Variants in NTM observed in about 807,000 individuals in gnomAD.
NTM encodes the protein neurotrimin.
A neutral mutation model predicts 42.1 loss-of-function variants in NTM; 13 were observed. The ratio of observed to expected loss-of-function variants is 0.31; its 90% confidence interval spans 0.20 to 0.49. NTM has a LOEUF of 0.49. Ranked by LOEUF, NTM falls within the 20% of genes least tolerant of loss-of-function variation. The probability of loss-of-function intolerance (pLI) is 0.99; values close to 1 mark genes in which losing one functional copy is unlikely to be tolerated. For synonymous variants in NTM, 187 were observed against 179.2 expected (o/e 1.04, Z -0.35); for missense variants, 373 against 452.8 (o/e 0.82, Z 1.60).
At chr11:132,155,196 T>C (rs988369082) in intron 3 of NTM, among the ~76,000 whole-genome samples, 2 of 152,210 alleles carry the variant, frequency 1.3e-5, no homozygotes, top group African/African-American at 4.8e-5. Flanking sequence ...GTCTGAATTT[T>C]GATAATTACC....
At chr11:131,556,315 A>G (rs141254901) in intron 1 of NTM, among the ~76,000 whole-genome samples, 47 of 152,328 alleles carry the variant, frequency 3.1e-4, no homozygotes, top group Middle Eastern at 3.4e-3. Flanking sequence ...AATATTGTCA[A>G]GAGTGTACAT....
intron 2 of NTM, among the ~76,000 whole-genome samples, chr11:132,041,159 C>T (rs1307876362): frequency 6.6e-6 from 1 of 151,096 alleles, no homozygotes; most frequent in African/African-American, 2.4e-5. Context: ...TCACCTGTAC[C>T]TTTTTGTTAT....
chr11:131,669,287 G>A (rs1224273064), intron 1 of NTM, among the ~76,000 whole-genome samples: 1 of 152,196 alleles, frequency 6.6e-6, no homozygotes, highest in Non-Finnish European at 1.5e-5. Flanking sequence ...GAGGTTAAGA[G>A]GTCAGGCTCT....
chr11:131,750,626 A>AT, intron 1 of NTM, among the ~76,000 whole-genome samples: 1 of 152,152 alleles, frequency 6.6e-6, no homozygotes, highest in African/African-American at 2.4e-5. Context: ...TGCATCTTGA[A>AT]TTTTTTCATT....
At chr11:132,073,939 G>T (rs1047074462) in intron 2 of NTM, among the ~76,000 whole-genome samples, 2 of 152,182 alleles carry the variant, frequency 1.3e-5, no homozygotes, top group African/African-American at 4.8e-5. Flanking sequence ...CTGTAGGTCT[G>T]CTAAGGGGCT....
At chr11:131,827,046 A>C (rs974704059) in intron 1 of NTM, among the ~76,000 whole-genome samples, 16 of 152,182 alleles carry the variant, frequency 1.1e-4, no homozygotes, top group African/African-American at 3.4e-4. Context: ...TATTTCCTTT[A>C]TTCATTCAAC....
At chr11:132,110,489 T>G (rs1444694636) in intron 2 of NTM, among the ~76,000 whole-genome samples, 2 of 152,258 alleles carry the variant, frequency 1.3e-5, no homozygotes, top group African/African-American at 4.8e-5. Flanking sequence ...CACGTTGCCC[T>G]GTGGCATGGG....
At chr11:131,523,782 CAAAAA>C (rs3040114) in intron 1 of NTM, among the ~76,000 whole-genome samples, 3 of 72,198 alleles carry the variant, frequency 4.2e-5, no homozygotes, top group African/African-American at 1.5e-4. Context: ...GACTCCATCT[CAAAAA>C]AAAAAAAAAA....
At chr11:132,087,401 C>T (rs1216984299) in intron 2 of NTM, among the ~76,000 whole-genome samples, 1 of 152,154 alleles carries the variant, frequency 6.6e-6, no homozygotes, top group South Asian at 2.1e-4. Context: ...CTACATTGTG[C>T]CTTTTAACTA....
At chr11:131,434,668 C>A (rs1003929237) in intron 1 of NTM, among the ~76,000 whole-genome samples, 2 of 152,082 alleles carry the variant, frequency 1.3e-5, no homozygotes, top group Admixed American at 1.3e-4. Flanking sequence ...TGTTTAAGTT[C>A]TTTGTAGATT....
intron 4 of NTM, among the ~76,000 whole-genome samples, chr11:132,214,153 G>C (rs1380272653): frequency 6.6e-6 from 1 of 152,194 alleles, no homozygotes; most frequent in Non-Finnish European, 1.5e-5. Flanking sequence ...CAGGGAGGAA[G>C]CTTCAGCTGT....
At chr11:131,679,472 T>C (rs1175009141) in intron 1 of NTM, among the ~76,000 whole-genome samples, 1 of 151,970 alleles carries the variant, frequency 6.6e-6, no homozygotes, top group Non-Finnish European at 1.5e-5. Context: ...CTCCACAAGA[T>C]AGGCAGCCGT....
chr11:132,252,065 G>A (rs1044566140), intron 4 of NTM, among the ~76,000 whole-genome samples: 4 of 152,132 alleles, frequency 2.6e-5, no homozygotes, highest in Non-Finnish European at 5.9e-5. Context: ...TGTCCTTGGA[G>A]CACTCCCTGC....
intron 1 of NTM, among the ~76,000 whole-genome samples, chr11:131,519,897 C>G (rs569032005): frequency 1.6e-4 from 24 of 150,372 alleles, no homozygotes; most frequent in Admixed American, 1.4e-3. Context: ...CTCTTCTTTA[C>G]TTTCAGGTCT....
intron 1 of NTM, among the ~76,000 whole-genome samples, chr11:131,551,492 T>G (rs1052014160): frequency 6.6e-6 from 1 of 151,804 alleles, no homozygotes; most frequent in African/African-American, 2.4e-5. Flanking sequence ...AATTCAATTC[T>G]CAGTGTACAC....
At chr11:132,329,616 A>G (rs963861973) in intron 7 of NTM, among the ~76,000 whole-genome samples, 26 of 152,358 alleles carry the variant, frequency 1.7e-4, no homozygotes, top group African/African-American at 6.0e-4. Context: ...CTGACTCACC[A>G]GTGTTTCTAA....
chr11:131,966,833 G>A lies in NTM; in HGVS notation c.167+55185G>A, dbSNP rs1358500118. On this transcript the variant is annotated intron_variant, in intron 2 of 8. Transcript: ENST00000683400. ...AATGGGACGCTGGCCTCTGTGTGAG[G>A]ACAGACATGGTGGCAAGTGGTCAGA... is the stretch of plus-strand genomic sequence containing the variant. Among the ~76,000 whole-genome samples, 3 of 152,192 alleles carry A rather than the reference G, an allele frequency of 2.0e-5. No homozygotes were observed. The East Asian group carries it at 5.8e-4, about 29-fold the overall frequency.
intron 1 of NTM, among the ~76,000 whole-genome samples, chr11:131,459,160 A>G (rs532649683): frequency 6.6e-6 from 1 of 152,364 alleles, no homozygotes; most frequent in East Asian, 1.9e-4. Flanking sequence ...CGCCACTCTC[A>G]GAAAGTAGAT....
At chr11:131,512,517 C>A (rs1298830131) in intron 1 of NTM, among the ~76,000 whole-genome samples, 1 of 152,142 alleles carries the variant, frequency 6.6e-6, no homozygotes, top group Non-Finnish European at 1.5e-5. Flanking sequence ...GGATTCCCAC[C>A]CACCAGGGCA....
Sources: allele counts gnomAD v4.1 joint callset (sites outside exome capture counted in the v4.1 genomes callset), GRCh38; gene constraint gnomAD v4.1.1; transcripts MANE v1.5; gene names NCBI Gene and HGNC (gene_info 2026-07-23, HGNC 2026-07-21).